The following ZNF432 variants were observed in gnomAD, a reference collection of about 807,000 sequenced individuals.
ZNF432 encodes zinc finger protein 432.
Under a neutral mutation model 13.9 loss-of-function variants are expected in ZNF432, and 10 were observed. The ratio of observed to expected loss-of-function variants is 0.72; its 90% CI spans 0.44 to 1.22. The LOEUF (loss-of-function observed/expected upper bound fraction) is 1.22. Among genes scored for constraint, ZNF432 ranks in the 50% most tolerant of loss-of-function variants. The pLI, the probability that ZNF432 is intolerant of heterozygous loss-of-function variation, is 0.00. For missense variants in ZNF432, 793 were observed against 796.2 expected (o/e 1.00, Z 0.05); for synonymous variants, 247 against 256.2 (o/e 0.96, Z 0.34).
rs138709424 is a variant in ZNF432 at position 52,041,505 on chromosome 19, C to G, written c.117G>C (p.Glu39Asp). 2 of 1,608,596 alleles carry G rather than the reference C, an allele frequency of 1.2e-6. No individual in the cohort carries two copies. Among genetic ancestry groups the G allele is most frequent in the African/African-American group, 1.3e-5 (1 of 74,834 alleles). ...QKDLYRDVML[E>D]IYSNLLSMGY... ...CCATTGATAGCAGGTTGCTGTAGAT[C>G]TCCAACATCACATCCCGGTACAAAT... Residue 39 changes from glutamate to aspartate, a missense_variant, in exon 3 of 5, where the codon GAG (glutamate) becomes GAC (aspartate). By Grantham distance (45) the Glu-to-Asp change is conservative. Transcript: ENST00000221315.
chr19:52,035,856 T>G (rs1409971084), intron 4 of ZNF432, among the ~76,000 whole-genome samples: 1 of 152,160 alleles, frequency 6.6e-6, no homozygotes, highest in Non-Finnish European at 1.5e-5. Flanking sequence ...TATCGCTATT[T>G]AATGACAATA....
At chr19:52,038,572 G>A (rs2087106164) in intron 4 of ZNF432, among the ~76,000 whole-genome samples, 2 of 152,242 alleles carry the variant, frequency 1.3e-5, no homozygotes, top group South Asian at 2.1e-4. Context: ...TTACAGGCAT[G>A]AGCCACCGCA....
At chr19:52,040,680 A>T (rs1423865050) in intron 3 of ZNF432, 97 bp from the exon 4 acceptor site, 1 of 948,594 alleles carries the variant, frequency 1.1e-6, no homozygotes, top group African/African-American at 1.6e-5. Flanking sequence ...CAGTTTTCAC[A>T]TCTGAAAGTA....
Position 52,033,633 on chromosome 19 carries a change from C to A in ZNF432, c.*87G>T. On this transcript the variant is annotated 3_prime_UTR_variant, in exon 5 of 5. Coordinates refer to ENST00000221315, the MANE Select transcript of ZNF432 (RefSeq NM_014650.4). ...GAAATATGATTTTTCATACTCAGTA[C>A]ACATGTAGAAAATCTATACTGTGAA... 2 of 1,408,108 alleles carry A rather than the reference C, an allele frequency of 1.4e-6. No homozygotes were observed. Among genetic ancestry groups the A allele is most frequent in the African/African-American group, 1.4e-5 (1 of 69,632 alleles). The allele number at this position is 1,408,108 out of a possible 1,614,324, so 87.2% of individuals were successfully genotyped here. A position where few individuals can be genotyped will look rare whatever the true frequency, so the allele number is the denominator to read the frequency against.
At chr19:52,037,699 AG>A (rs1446091900) in intron 4 of ZNF432, among the ~76,000 whole-genome samples, 1 of 149,468 alleles carries the variant, frequency 6.7e-6, no homozygotes, top group Non-Finnish European at 1.5e-5. Flanking sequence ...TTGAGGTGGG[AG>A]GATCGCTTGA....
At chr19:52,037,201 C>T (rs376205152) in intron 4 of ZNF432, among the ~76,000 whole-genome samples, 12 of 152,300 alleles carry the variant, frequency 7.9e-5, no homozygotes, top group Admixed American at 5.9e-4. Flanking sequence ...ATTAAGTCAA[C>T]TGAGATAGAC....
intron 3 of ZNF432, 110 bp from the exon 4 acceptor site, chr19:52,040,693 G>C (rs1164900612): frequency 1.2e-6 from 1 of 849,910 alleles, no homozygotes; most frequent in East Asian, 2.5e-5. Flanking sequence ...TGAAAGTAGA[G>C]GCTTCTCTCT....
rs917537539 is a variant in ZNF432 at position 52,033,504 on chromosome 19, G to A, written c.*216C>T. The A allele has an allele frequency of 7.6e-6, 4 of 525,112 alleles. No individual in the cohort carries two copies. The African/African-American group carries it at 7.6e-5, about 10-fold the overall frequency. The allele number at this position is 525,112 out of a possible 1,614,324, so 32.5% of individuals were successfully genotyped here. On this transcript the variant is annotated 3_prime_UTR_variant, in exon 5 of 5. Coordinates refer to ENST00000221315, the MANE Select transcript of ZNF432 (RefSeq NM_014650.4). ...AATCCACAGACTCTCTCTCAGATGA[G>A]TAATTTTCTATACATTGGTACATCA... is the stretch of plus-strand genomic sequence containing the variant.
Position 52,032,692 on chromosome 19 carries a change from T to TC in ZNF432, c.*1027dup, listed in dbSNP as rs1600045121. Reference sequence around the variant, plus strand: ...CTCAAGTGATCCACCCACCTTGGCCTCCCAAAGTGCTGGGATTACAGGTGC... The same window carrying TC: ...CTCAAGTGATCCACCCACCTTGGCCTCCCCAAAGTGCTGGGATTACAGGTGC... On this transcript the variant is annotated 3_prime_UTR_variant, in exon 5 of 5. Transcript: ENST00000221315. 1 of 152,164 alleles carries TC rather than the reference T, an allele frequency of 6.6e-6. No individual in the cohort carries two copies. The highest frequency in any genetic ancestry group is 1.5e-5 in the Non-Finnish European group (1 of 68,030). The allele number at this position is 152,164 out of a possible 1,614,324, so 9.4% of individuals were successfully genotyped here. A position where few individuals can be genotyped will look rare whatever the true frequency, so the allele number is the denominator to read the frequency against.
In ZNF432 at chr19:52,033,988, G is replaced by A; in HGVS notation, c.1691C>T (p.Thr564Ile). The part of the protein sequence containing the change: ...RYLIVHQQIH[T>I]EEKSCICSEC... ...ACTACATATACAAGATTTCTCTTCT[G>A]TATGAATTTGCTGATGTACAATGAG... The change falls in exon 5 of 5, where the codon ACA (threonine) becomes ATA (isoleucine). Residue 564 changes from threonine (T) to isoleucine (I), a missense_variant. By Grantham distance (89) the Thr-to-Ile change is moderately conservative. Transcript: ENST00000221315. 6.2e-7 allele frequency: 1 copy of A among 1,614,064 alleles called. No homozygotes were observed. The highest frequency in any genetic ancestry group is 2.2e-5 in the East Asian group (1 of 44,872).
At position 52,046,860 on chromosome 19, in the gene ZNF432, A is replaced by G. The variant is rs746706797; in HGVS notation, c.9T>C (p.Asn3=). The part of the protein sequence containing the change: MI[N]AQELLTLEDV... ...AAAATAGAGAAAAAGTCACCTGGGC[A>G]TTGATCATTTTCTTCTGTTGTGGGA... Residue 3 remains asparagine, a synonymous_variant, in exon 2 of 5, where the codon AAT becomes AAC. Transcript: ENST00000221315. The G allele has an allele frequency of 1.2e-6, 2 of 1,613,610 alleles. No homozygotes were observed. Among genetic ancestry groups the G allele is most frequent in the Non-Finnish European group, 1.7e-6 (2 of 1,179,730 alleles).
At chr19:52,040,906 A>G (rs2087129307) in intron 3 of ZNF432, among the ~76,000 whole-genome samples, 1 of 151,818 alleles carries the variant, frequency 6.6e-6, no homozygotes, top group South Asian at 2.1e-4. Context: ...CAGGAGTGGG[A>G]GACCAGCCTG....
At chr19:52,035,620 C>A (rs2087074101) in intron 4 of ZNF432, among the ~76,000 whole-genome samples, 180 bp from the exon 5 acceptor site, 1 of 152,182 alleles carries the variant, frequency 6.6e-6, no homozygotes, top group Non-Finnish European at 1.5e-5. Context: ...GCAACCTCCG[C>A]CTCCTGGGTT....
intron 3 of ZNF432, 47 bp downstream of exon 3, chr19:52,041,433 G>A (rs1451826112): frequency 1.3e-6 from 2 of 1,531,910 alleles, no homozygotes; most frequent in Non-Finnish European, 1.8e-6. Context: ...GAAAGCAAAG[G>A]CCACAGACTG....
At chr19:52,041,357 G>C in intron 3 of ZNF432, 123 bp downstream of exon 3, 1 of 1,279,932 alleles carries the variant, frequency 7.8e-7, no homozygotes, top group East Asian at 2.5e-5. Flanking sequence ...TTTATCAGAA[G>C]CCAGAGGATG....
intron 2 of ZNF432, among the ~76,000 whole-genome samples, chr19:52,043,534 C>T (rs1468530986): frequency 3.3e-5 from 5 of 151,804 alleles, no homozygotes; most frequent in Admixed American, 1.3e-4. Context: ...CCTGACCGTC[C>T]CCCAGCCCGA....
chr19:52,040,650 G>T, intron 3 of ZNF432, 67 bp from the exon 4 acceptor site: 2 of 1,303,112 alleles, frequency 1.5e-6, no homozygotes, highest in Non-Finnish European at 2.2e-6. Context: ...GTGAGAGAAT[G>T]TTACATTTAA....
intron 4 of ZNF432, among the ~76,000 whole-genome samples, chr19:52,036,257 T>G (rs2087079808): frequency 6.6e-6 from 1 of 152,204 alleles, no homozygotes; most frequent in Admixed American, 6.5e-5. Context: ...TTCTTTTCAC[T>G]CATGCTGAAT....
intron 2 of ZNF432, 141 bp downstream of exon 2, chr19:52,046,713 A>G: frequency 1.3e-6 from 1 of 774,430 alleles, no homozygotes; most frequent in Non-Finnish European, 2.0e-6. Context: ...TCACATAAAC[A>G]CTATATTCCT....
Sources: allele counts gnomAD v4.1 joint callset (sites outside exome capture counted in the v4.1 genomes callset), GRCh38; gene constraint gnomAD v4.1.1; transcripts MANE v1.5; gene names NCBI Gene and HGNC (gene_info 2026-07-23, HGNC 2026-07-21).